The following BBOX1 variants were observed in gnomAD, a reference collection of about 807,000 sequenced individuals.
BBOX1 encodes the protein gamma-butyrobetaine hydroxylase 1, also known as gamma-butyrobetaine dioxygenase.
Under a neutral mutation model 41.6 loss-of-function variants are expected in BBOX1, and 35 were observed. That is an observed-to-expected ratio of 0.84 (90% CI 0.64 to 1.11). The LOEUF is 1.11. BBOX1 is among the 50% of genes most tolerant of loss of function. The pLI, the probability that BBOX1 is intolerant of heterozygous loss-of-function variation, is 0.00. For missense variants in BBOX1, 458 were observed against 460.6 expected (o/e 0.99, Z 0.05); for synonymous variants, 163 against 154.7 (o/e 1.05, Z -0.40).
At chr11:27,052,162 TA>T (rs1826037939) in intron 2 of BBOX1, among the ~76,000 whole-genome samples, 3 of 152,122 alleles carry the variant, frequency 2.0e-5, no homozygotes, top group Non-Finnish European at 4.4e-5. Flanking sequence ...TTATCTTTCA[TA>T]AAATGATATT....
At chr11:27,118,166 A>G (rs1390965943) in intron 6 of BBOX1, among the ~76,000 whole-genome samples, 1 of 152,024 alleles carries the variant, frequency 6.6e-6, no homozygotes, top group Non-Finnish European at 1.5e-5. Context: ...GACATCATAG[A>G]TACACTATAA....
intron 2 of BBOX1, among the ~76,000 whole-genome samples, chr11:27,046,956 C>A (rs1242225134): frequency 6.6e-6 from 1 of 151,642 alleles, no homozygotes; most frequent in Non-Finnish European, 1.5e-5. Flanking sequence ...CCCCAGTAGA[C>A]CTTTAAATAA....
intron 5 of BBOX1, among the ~76,000 whole-genome samples, chr11:27,107,339 C>T (rs1019024061): frequency 3.3e-5 from 5 of 151,954 alleles, no homozygotes; most frequent in Admixed American, 1.3e-4. Flanking sequence ...TGATAGACTG[C>T]TAGCAAGACT....
chr11:27,051,534 A>G (rs982213545), intron 2 of BBOX1, among the ~76,000 whole-genome samples: 1 of 151,960 alleles, frequency 6.6e-6, no homozygotes, highest in Admixed American at 6.6e-5. Flanking sequence ...TTTTCTATTC[A>G]TGATTCAGTC....
intron 7 of BBOX1, among the ~76,000 whole-genome samples, chr11:27,122,644 T>G (rs1454387962): frequency 6.6e-6 from 1 of 152,136 alleles, no homozygotes; most frequent in Non-Finnish European, 1.5e-5. Context: ...TATGACATGG[T>G]AGACAACACT....
intron 4 of BBOX1, among the ~76,000 whole-genome samples, chr11:27,075,205 T>C (rs1857594728): frequency 6.6e-6 from 1 of 152,178 alleles, no homozygotes; most frequent in Admixed American, 6.5e-5. Context: ...TATTCAGCTC[T>C]TGGTGCTTTC....
intron 5 of BBOX1, among the ~76,000 whole-genome samples, chr11:27,112,225 G>A (rs1859095995): frequency 6.6e-6 from 1 of 151,910 alleles, no homozygotes; most frequent in South Asian, 2.1e-4. Flanking sequence ...AAAGCATATA[G>A]CAGTTGTTAT....
intron 2 of BBOX1, among the ~76,000 whole-genome samples, chr11:27,049,149 T>G (rs142854220): frequency 6.6e-6 from 1 of 151,462 alleles, no homozygotes; most frequent in East Asian, 2.0e-4. Flanking sequence ...GGGGGGGAAC[T>G]TCTGTACTGT....
intron 5 of BBOX1, among the ~76,000 whole-genome samples, chr11:27,096,833 A>G (rs1470942729): frequency 6.6e-6 from 1 of 152,064 alleles, no homozygotes; most frequent in South Asian, 2.1e-4. Flanking sequence ...AGATAAATAC[A>G]ATAATTATTA....
chr11:27,121,663 G>A (rs1859469995), intron 7 of BBOX1, among the ~76,000 whole-genome samples: 1 of 152,104 alleles, frequency 6.6e-6, no homozygotes, highest in Non-Finnish European at 1.5e-5. Context: ...CGTCAAGAAT[G>A]AAATTCTAGT....
chr11:27,064,141 A>G (rs1304747275), intron 4 of BBOX1, among the ~76,000 whole-genome samples: 2 of 152,056 alleles, frequency 1.3e-5, no homozygotes, highest in South Asian at 2.1e-4. Flanking sequence ...GGGATGGGGT[A>G]AGTGTATTGT....
At position 27,125,777 on chromosome 11, in the gene BBOX1, C is replaced by T. The variant is rs139242616; in HGVS notation, c.960C>T (p.Leu320=). 6.2e-6 allele frequency: 10 copies of T among 1,613,060 alleles called. No individual in the cohort carries two copies. The highest frequency in any genetic ancestry group is 7.6e-6 in the Non-Finnish European group (9 of 1,179,694). ...FYAALKEFVD[L]MNSKESKFTF... is the part of the protein sequence containing the mutation. ...CTGCTCTGAAGGAGTTTGTTGACCTCATGAACAGCAAAGAATCCAAGTTTA... is the reference window on the plus strand; with the variant it reads ...CTGCTCTGAAGGAGTTTGTTGACCTTATGAACAGCAAAGAATCCAAGTTTA... Residue 320 remains leucine (L), a synonymous_variant, in exon 8 of 9, where the codon CTC becomes CTT. Transcript: ENST00000263182.
intron 2 of BBOX1, among the ~76,000 whole-genome samples, chr11:27,044,013 TG>T (rs1247936035): frequency 6.6e-6 from 1 of 152,158 alleles, no homozygotes; most frequent in African/African-American, 2.4e-5. Context: ...CTTGAGGAAT[TG>T]CCACACTGTC....
At chr11:27,063,360 A>T (rs1395851613) in intron 4 of BBOX1, among the ~76,000 whole-genome samples, 1 of 152,244 alleles carries the variant, frequency 6.6e-6, no homozygotes. Flanking sequence ...GAGATGCAAC[A>T]TTCCCAACAT....
At chr11:27,066,996 AACTT>A (rs994086618) in intron 4 of BBOX1, among the ~76,000 whole-genome samples, 2 of 152,206 alleles carry the variant, frequency 1.3e-5, no homozygotes, top group African/African-American at 2.4e-5. Flanking sequence ...GATTTTGAGC[AACTT>A]ACTTAACCTT....
chr11:27,060,656 T>A (rs1391958929), intron 4 of BBOX1, among the ~76,000 whole-genome samples: 2 of 152,218 alleles, frequency 1.3e-5, no homozygotes, highest in African/African-American at 4.8e-5. Flanking sequence ...ATGAAGATGT[T>A]ACTAATCAAC....
intron 2 of BBOX1, among the ~76,000 whole-genome samples, chr11:27,043,812 A>G (rs191886496): frequency 3.3e-5 from 5 of 152,270 alleles, no homozygotes; most frequent in Admixed American, 3.3e-4. Context: ...CATGGTGTAT[A>G]TATGCCACAT....
intron 5 of BBOX1, among the ~76,000 whole-genome samples, chr11:27,099,659 A>G (rs956644154): frequency 5.8e-4 from 88 of 152,210 alleles, no homozygotes; most frequent in African/African-American, 2.0e-3. Context: ...TAGGATCAAC[A>G]GGGAAGCAGT....
At chr11:27,078,539 A>G (rs796932993) in intron 4 of BBOX1, among the ~76,000 whole-genome samples, 5 of 152,262 alleles carry the variant, frequency 3.3e-5, no homozygotes, top group African/African-American at 1.2e-4. Flanking sequence ...AGGGACATGG[A>G]TGAAGCTGGA....
Sources: gnomAD v4.1 joint callset for allele counts (sites outside exome capture counted in the v4.1 genomes callset) on GRCh38, gnomAD v4.1.1 for gene constraint, MANE v1.5 for transcripts, NCBI Gene and HGNC (gene_info 2026-07-23, HGNC 2026-07-21) for gene names.